Variants in CNTN6 observed in about 807,000 individuals in gnomAD.
CNTN6 encodes contactin 6, also known as contactin-6.
Under a neutral mutation model 122.8 loss-of-function variants are expected in CNTN6, and 137 were observed. The observed-to-expected ratio is 1.12, with a 90% CI of 0.97 to 1.29. The LOEUF (loss-of-function observed/expected upper bound fraction) is 1.29, where lower values mean the gene tolerates loss of function less well. Ranked by LOEUF, CNTN6 falls within the 50% of genes most tolerant of loss-of-function variation. The probability of loss-of-function intolerance (pLI) is 0.00; values close to 1 mark genes in which losing one functional copy is unlikely to be tolerated. For missense variants in CNTN6, 1,634 were observed against 1,223.4 expected, an observed-to-expected ratio of 1.34 and a Z score of -5.01; for synonymous variants, 570 against 426.0, an observed-to-expected ratio of 1.34 and a Z score of -4.16.
intron 2 of CNTN6, among the ~76,000 whole-genome samples, chr3:1,186,450 A>AG (rs992661853): frequency 6.6e-6 from 1 of 151,940 alleles, no homozygotes; most frequent in Non-Finnish European, 1.5e-5. Flanking sequence ...AAAAAAAAAA[A>AG]TCTTTAATTT....
At position 1,389,966 on chromosome 3, in the gene CNTN6, C is replaced by T. The variant is rs534769943; in HGVS notation, c.2704+4169C>T. Among the ~76,000 whole-genome samples, 3 of 150,452 alleles carry T rather than the reference C, an allele frequency of 2.0e-5. No homozygotes were observed. The South Asian group carries it at 6.4e-4, about 32-fold the overall frequency. ...ACTCCCACACATTAATAATGGGAGACTTTAACAACCCACTGTCAACATTAG... is the reference window on the plus strand; with the variant it reads ...ACTCCCACACATTAATAATGGGAGATTTTAACAACCCACTGTCAACATTAG... On this transcript the variant is annotated intron_variant, in intron 20 of 22. Transcript: ENST00000446702.
At chr3:1,106,169 A>T (rs72995709) in intron 1 of CNTN6, among the ~76,000 whole-genome samples, 1 of 152,094 alleles carries the variant, frequency 6.6e-6, no homozygotes, top group Admixed American at 6.6e-5. Flanking sequence ...GTAAAAGGAA[A>T]TTGTAATCAT....
intron 12 of CNTN6, among the ~76,000 whole-genome samples, chr3:1,366,380 C>T (rs1184269535): frequency 2.0e-5 from 3 of 151,946 alleles, no homozygotes; most frequent in Non-Finnish European, 4.4e-5. Flanking sequence ...CCATAAATAC[C>T]GAGAAGTGTT....
In CNTN6 at chr3:1,227,848, T is replaced by G. The variant is rs746393890; in HGVS notation, c.213T>G (p.Phe71Leu). The change falls in exon 4 of 23, where the codon TTT becomes TTG. Residue 71 changes from phenylalanine (F) to leucine (L), a missense_variant. Coordinates refer to ENST00000446702, the MANE Select transcript of CNTN6 (RefSeq NM_001289080.2). ...RWKQNGTDID[F>L]TMSYHYRLDG... ...AGCAAAATGGCACAGACATTGATTT[T>G]ACTATGAGTTATCACTACAGGTTGG... 1 of 1,614,050 alleles carries G rather than the reference T, an allele frequency of 6.2e-7. No individual in the cohort carries two copies. The highest frequency in any genetic ancestry group is 8.5e-7 in the Non-Finnish European group (1 of 1,179,974).
intron 1 of CNTN6, among the ~76,000 whole-genome samples, chr3:1,094,871 C>T (rs916001344): frequency 1.3e-5 from 2 of 151,758 alleles, no homozygotes; most frequent in African/African-American, 4.8e-5. Flanking sequence ...TATTTATTCA[C>T]TGTTTATTTT....
chr3:1,137,003 C>A (rs534985041), intron 1 of CNTN6, among the ~76,000 whole-genome samples: 1 of 152,238 alleles, frequency 6.6e-6, no homozygotes, highest in East Asian at 1.9e-4. Flanking sequence ...TTGAAAAATT[C>A]TATTATTACT....
intron 2 of CNTN6, among the ~76,000 whole-genome samples, chr3:1,218,425 C>A (rs2094158403): frequency 6.6e-6 from 1 of 152,044 alleles, no homozygotes; most frequent in South Asian, 2.1e-4. Context: ...TGAAGGAGGA[C>A]ATCCACACTG....
intron 2 of CNTN6, among the ~76,000 whole-genome samples, chr3:1,152,403 T>G (rs2092865772): frequency 6.6e-6 from 1 of 152,078 alleles, no homozygotes; most frequent in South Asian, 2.1e-4. Context: ...CCTCCCAAAG[T>G]GCTAGGATTA....
At chr3:1,098,789 C>CACACATATATATATATATATATAT (rs1211008614) in intron 1 of CNTN6, among the ~76,000 whole-genome samples, 6 of 63,240 alleles carry the variant, frequency 9.5e-5, no homozygotes, top group Non-Finnish European at 1.4e-4. Flanking sequence ...CACACACACA[C>CACACATATATATATATATATATAT]ATATATATAT....
At chr3:1,401,133 C>A (rs140793763) in intron 20 of CNTN6, among the ~76,000 whole-genome samples, 48 of 152,096 alleles carry the variant, frequency 3.2e-4, no homozygotes, top group South Asian at 2.5e-3. Context: ...AAGAGACCCT[C>A]TGTCTGTTTA....
intron 11 of CNTN6, among the ~76,000 whole-genome samples, chr3:1,343,334 A>G (rs539047621): frequency 1.3e-5 from 2 of 152,244 alleles, no homozygotes; most frequent in South Asian, 2.1e-4. Context: ...CAACCCCTGC[A>G]TTGTTCAAAG....
At chr3:1,345,922 T>C (rs572838712) in intron 11 of CNTN6, among the ~76,000 whole-genome samples, 73 of 151,868 alleles carry the variant, frequency 4.8e-4, no homozygotes, top group African/African-American at 1.7e-3. Context: ...AATCTAACTA[T>C]AAAAATAGCA....
chr3:1,302,891 T>C (rs1433554828), intron 7 of CNTN6, among the ~76,000 whole-genome samples: 1 of 152,158 alleles, frequency 6.6e-6, no homozygotes, highest in Non-Finnish European at 1.5e-5. Context: ...TTACATTATC[T>C]TTTATGCCAT....
intron 7 of CNTN6, among the ~76,000 whole-genome samples, chr3:1,313,868 G>A (rs1335180624): frequency 6.6e-6 from 1 of 151,988 alleles, no homozygotes; most frequent in African/African-American, 2.4e-5. Context: ...GCTGATCTCT[G>A]GTTCATCTAG....
chr3:1,332,494 A>T (rs958322548), intron 11 of CNTN6, among the ~76,000 whole-genome samples: 1 of 57,756 alleles, frequency 1.7e-5, no homozygotes. Flanking sequence ...AAGGAAGGAA[A>T]AAAGGAAGGA....
chr3:1,203,717 C>T lies in CNTN6; in HGVS notation c.56-16970C>T, dbSNP rs78643876. On this transcript the variant is annotated intron_variant, in intron 2 of 22. Coordinates refer to ENST00000446702, the MANE Select transcript of CNTN6 (RefSeq NM_001289080.2). Reference sequence around the variant, plus strand: ...ATGTCTGTTATCATCAAATAATGCACGCTTGGGGTGCGTATGTATGTTTGC... The same window carrying T: ...ATGTCTGTTATCATCAAATAATGCATGCTTGGGGTGCGTATGTATGTTTGC... Among the ~76,000 whole-genome samples the T allele has an allele frequency of 8.4e-3, 1,278 of 152,244 alleles. 20 individuals carry two copies. The highest frequency in any genetic ancestry group is 0.029 in the African/African-American group (1,196 of 41,544).
chr3:1,259,136 G>T (rs10510172), intron 4 of CNTN6, among the ~76,000 whole-genome samples: 8,699 of 152,168 alleles, frequency 0.057, 325 homozygotes, highest in Middle Eastern at 0.11. Flanking sequence ...AATGATGACT[G>T]TTAACATTTA....
At chr3:1,370,077 A>G (rs1196286856) in intron 12 of CNTN6, among the ~76,000 whole-genome samples, 2 of 152,058 alleles carry the variant, frequency 1.3e-5, no homozygotes, top group Non-Finnish European at 2.9e-5. Context: ...TTTAATGTGT[A>G]TCTTTTTTTA....
Position 1,279,836 on chromosome 3 carries a change from G to C in CNTN6, c.454+1328G>C, listed in dbSNP as rs187321831. ...ATGAATTGCCATGACCAAAAGAAAA[G>C]AAAGCTAATTCAAAGTTAACAATAT... On this transcript the variant is annotated intron_variant, in intron 5 of 22. Transcript: ENST00000446702. Among the ~76,000 whole-genome samples, 23 of 152,244 alleles carry C rather than the reference G, an allele frequency of 1.5e-4. No homozygotes were observed. The East Asian group carries it at 4.5e-3, about 29-fold the overall frequency.
Sources: allele counts gnomAD v4.1 joint callset (sites outside exome capture counted in the v4.1 genomes callset), GRCh38; gene constraint gnomAD v4.1.1; transcripts MANE v1.5; gene names NCBI Gene and HGNC (gene_info 2026-07-23, HGNC 2026-07-21).